Variants in ERC2 observed in about 807,000 individuals in gnomAD.
ERC2 encodes the protein ERC protein 2.
A neutral mutation model predicts 114.8 loss-of-function variants in ERC2; 42 were observed. The ratio of observed to expected loss-of-function variants is 0.37; its 90% CI spans 0.29 to 0.47. The LOEUF (loss-of-function observed/expected upper bound fraction) is 0.47, where lower values mean the gene tolerates loss of function less well. Among genes scored for constraint, ERC2 ranks in the 20% least tolerant of loss-of-function variants. The probability of loss-of-function intolerance (pLI) is 0.99; values close to 1 mark genes in which losing one functional copy is unlikely to be tolerated. For synonymous variants in ERC2, 454 were observed against 425.5 expected, an observed-to-expected ratio of 1.07 and a Z score of -0.82; for missense variants, 939 against 1,150.7, an observed-to-expected ratio of 0.82 and a Z score of 2.66.
intron 13 of ERC2, among the ~76,000 whole-genome samples, chr3:55,927,349 T>A (rs2065806743): frequency 6.6e-6 from 1 of 152,206 alleles, no homozygotes; most frequent in Non-Finnish European, 1.5e-5. Context: ...TCAATTCTTC[T>A]CCTTCCCTAA....
intron 16 of ERC2, among the ~76,000 whole-genome samples, chr3:55,696,168 G>A (rs532629353): frequency 6.6e-6 from 1 of 152,194 alleles, no homozygotes; most frequent in African/African-American, 2.4e-5. Flanking sequence ...ATATAATTCT[G>A]TAAGTACCTG....
At chr3:56,149,402 A>G (rs1166393087) in intron 4 of ERC2, among the ~76,000 whole-genome samples, 1 of 152,210 alleles carries the variant, frequency 6.6e-6, no homozygotes, top group Non-Finnish European at 1.5e-5. Context: ...CAAATTACCA[A>G]AGCAACAGTG....
At chr3:56,004,471 A>G (rs1206383771) in intron 10 of ERC2, among the ~76,000 whole-genome samples, 1 of 152,090 alleles carries the variant, frequency 6.6e-6, no homozygotes, top group Non-Finnish European at 1.5e-5. Flanking sequence ...ACCATTTGTC[A>G]TCACAAAGTA....
intron 2 of ERC2, among the ~76,000 whole-genome samples, chr3:56,308,794 G>GT (rs34188866): frequency 6.5e-4 from 97 of 149,474 alleles, no homozygotes; most frequent in African/African-American, 6.6e-4. Flanking sequence ...AAGTCGTGAA[G>GT]TTTTTTTTTT....
chr3:55,630,191 C>T (rs1029861224), intron 17 of ERC2, among the ~76,000 whole-genome samples: 7 of 152,086 alleles, frequency 4.6e-5, no homozygotes, highest in East Asian at 1.9e-4. Flanking sequence ...TTTTTTGAGA[C>T]GGAGTTTCGC....
intron 14 of ERC2, 102 bp downstream of exon 14, chr3:55,888,287 T>TCTTTTTCTG: frequency 7.4e-7 from 1 of 1,350,898 alleles, no homozygotes; most frequent in Non-Finnish European, 1.0e-6. Context: ...GCTAAATTAT[T>TCTTTTTCTG]CTTTTTCTGA....
At chr3:56,284,112 A>G (rs1322269826) in intron 3 of ERC2, among the ~76,000 whole-genome samples, 2 of 152,238 alleles carry the variant, frequency 1.3e-5, no homozygotes, top group Non-Finnish European at 2.9e-5. Context: ...AGATATATGC[A>G]GGGTAAAGAA....
chr3:55,683,146 CA>C (rs2062141987), intron 17 of ERC2, among the ~76,000 whole-genome samples: 2 of 152,150 alleles, frequency 1.3e-5, no homozygotes, highest in Non-Finnish European at 2.9e-5. Flanking sequence ...TAAAAAGCAA[CA>C]GATAAAATGT....
intron 2 of ERC2, among the ~76,000 whole-genome samples, chr3:56,391,310 A>G (rs571030954): frequency 1.3e-4 from 20 of 152,272 alleles, no homozygotes; most frequent in East Asian, 3.9e-4. Flanking sequence ...ACAACTTCCA[A>G]TGTGCACCAT....
intron 14 of ERC2, among the ~76,000 whole-genome samples, chr3:55,850,764 A>G (rs2061533686): frequency 6.6e-6 from 1 of 151,942 alleles, no homozygotes; most frequent in Non-Finnish European, 1.5e-5. Flanking sequence ...TTAAATGTTT[A>G]CAACATTCAT....
At chr3:56,145,788 CA>C (rs1207352900) in intron 5 of ERC2, among the ~76,000 whole-genome samples, 3 of 152,174 alleles carry the variant, frequency 2.0e-5, no homozygotes, top group African/African-American at 7.2e-5. Context: ...GCAATTCAGG[CA>C]TTCACTGACA....
At chr3:55,909,209 C>T (rs1423257640) in intron 13 of ERC2, among the ~76,000 whole-genome samples, 3 of 152,174 alleles carry the variant, frequency 2.0e-5, no homozygotes, top group Admixed American at 6.5e-5. Flanking sequence ...ATCCGTGTTT[C>T]GGTGCTGCAC....
chr3:56,009,611 A>G (rs1307053489), intron 9 of ERC2, among the ~76,000 whole-genome samples: 1 of 152,206 alleles, frequency 6.6e-6, no homozygotes, highest in East Asian at 1.9e-4. Flanking sequence ...ATGGACAGTT[A>G]CAGCAGACAA....
intron 17 of ERC2, among the ~76,000 whole-genome samples, chr3:55,567,167 C>G (rs1207140710): frequency 6.6e-6 from 1 of 152,124 alleles, no homozygotes; most frequent in South Asian, 2.1e-4. Context: ...TGGTTTATTG[C>G]CATGAAAGCA....
intron 17 of ERC2, among the ~76,000 whole-genome samples, chr3:55,673,480 G>C (rs2061647579): frequency 6.6e-6 from 1 of 152,178 alleles, no homozygotes; most frequent in Non-Finnish European, 1.5e-5. Flanking sequence ...CTACTCGGGA[G>C]GCTGAGGCAG....
intron 3 of ERC2, among the ~76,000 whole-genome samples, chr3:56,221,478 A>C (rs2049907520): frequency 6.6e-6 from 1 of 152,108 alleles, no homozygotes; most frequent in African/African-American, 2.4e-5. Context: ...CTTTACACAG[A>C]GTCCTGCACA....
intron 6 of ERC2, among the ~76,000 whole-genome samples, chr3:56,108,659 T>C (rs973382921): frequency 1.6e-4 from 24 of 152,266 alleles, no homozygotes; most frequent in African/African-American, 5.8e-4. Flanking sequence ...TAAGTTAATT[T>C]ATAGATTGAA....
intron 3 of ERC2, among the ~76,000 whole-genome samples, chr3:56,174,516 A>T (rs1321778719): frequency 6.6e-6 from 1 of 152,354 alleles, no homozygotes; most frequent in East Asian, 1.9e-4. Flanking sequence ...TTTAGAGTCA[A>T]CATGGGGTAG....
intron 2 of ERC2, among the ~76,000 whole-genome samples, chr3:56,352,472 G>A (rs1316191828): frequency 6.6e-6 from 1 of 152,168 alleles, no homozygotes; most frequent in East Asian, 1.9e-4. Context: ...CAAGATTGCG[G>A]GGAGGTGGCA....
Sources: allele counts gnomAD v4.1 joint callset (sites outside exome capture counted in the v4.1 genomes callset), GRCh38; gene constraint gnomAD v4.1.1; transcripts MANE v1.5; gene names NCBI Gene and HGNC (gene_info 2026-07-23, HGNC 2026-07-21).